Variants in MACROD2 observed in about 807,000 individuals in gnomAD.
The protein encoded by MACROD2 is mono-ADP ribosylhydrolase 2, also known as ADP-ribose glycohydrolase MACROD2.
Under a neutral mutation model 70.4 loss-of-function variants are expected in MACROD2, and 36 were observed. The observed-to-expected ratio is 0.51, with a 90% CI of 0.39 to 0.68. MACROD2 has a LOEUF of 0.68. Among genes scored for constraint, MACROD2 ranks in the 30% least tolerant of loss-of-function variants. MACROD2 has a pLI of 0.00. For synonymous variants in MACROD2, 172 were observed against 178.8 expected, an observed-to-expected ratio of 0.96 and a Z score of 0.30; for missense variants, 496 against 538.4, an observed-to-expected ratio of 0.92 and a Z score of 0.78.
intron 4 of MACROD2, among the ~76,000 whole-genome samples, chr20:14,513,410 T>A (rs2085052541): frequency 1.3e-5 from 2 of 152,114 alleles, no homozygotes; most frequent in South Asian, 4.1e-4. Flanking sequence ...AAGCACTGCT[T>A]GCATTTTTCT....
At chr20:15,749,747 A>G (rs2051239699) in intron 8 of MACROD2, among the ~76,000 whole-genome samples, 1 of 152,110 alleles carries the variant, frequency 6.6e-6, no homozygotes, top group Non-Finnish European at 1.5e-5. Context: ...TTACACATGT[A>G]GGGCTTTTTC....
At chr20:14,725,943 GC>G (rs375978068) in intron 5 of MACROD2, among the ~76,000 whole-genome samples, 227 of 152,272 alleles carry the variant, frequency 1.5e-3, no homozygotes, top group African/African-American at 5.1e-3. Context: ...TAGAACAGGT[GC>G]TGAGCAGATC....
chr20:14,723,011 C>T (rs1330415033), intron 5 of MACROD2, among the ~76,000 whole-genome samples: 1 of 152,170 alleles, frequency 6.6e-6, no homozygotes, highest in Non-Finnish European at 1.5e-5. Context: ...CTTGTCAGAC[C>T]ACCTTGCAGG....
chr20:14,119,159 A>ATTTT (rs1181793101), intron 3 of MACROD2, among the ~76,000 whole-genome samples: 55 of 56,752 alleles, frequency 9.7e-4, no homozygotes, highest in Non-Finnish European at 1.2e-3. Flanking sequence ...AATGACTGTG[A>ATTTT]TTTTTTTTTT....
chr20:15,942,627 C>G (rs1045197070), intron 12 of MACROD2, among the ~76,000 whole-genome samples: 1 of 152,136 alleles, frequency 6.6e-6, no homozygotes, highest in African/African-American at 2.4e-5. Flanking sequence ...CAAGCAATCA[C>G]ATTAAATGGG....
At chr20:15,599,717 T>G (rs16996093) in intron 8 of MACROD2, among the ~76,000 whole-genome samples, 25,825 of 152,198 alleles carry the variant, frequency 0.17, 2,247 homozygotes, top group South Asian at 0.21. Context: ...ATTTTAAATT[T>G]TTTGCTGTTG....
intron 5 of MACROD2, among the ~76,000 whole-genome samples, chr20:15,221,159 A>G (rs190808699): frequency 1.7e-3 from 264 of 152,240 alleles, no homozygotes; most frequent in South Asian, 0.017. Context: ...TTTTCTCCTC[A>G]CATCTTAATA....
intron 8 of MACROD2, among the ~76,000 whole-genome samples, chr20:15,610,953 A>G (rs1463712407): frequency 8.1e-6 from 1 of 124,128 alleles, no homozygotes; most frequent in South Asian, 2.4e-4. Flanking sequence ...GACTCACTTC[A>G]TCTTGTGCTT....
At chr20:15,281,995 G>A (rs2077449633) in intron 6 of MACROD2, among the ~76,000 whole-genome samples, 1 of 152,226 alleles carries the variant, frequency 6.6e-6, no homozygotes, top group Non-Finnish European at 1.5e-5. Context: ...TGTACCTGCA[G>A]GCCCAACACC....
At chr20:15,538,435 C>A (rs1354212854) in intron 8 of MACROD2, among the ~76,000 whole-genome samples, 1 of 152,174 alleles carries the variant, frequency 6.6e-6, no homozygotes, top group Non-Finnish European at 1.5e-5. Flanking sequence ...ATTCTATTAA[C>A]CCCTTTTTAG....
intron 5 of MACROD2, among the ~76,000 whole-genome samples, chr20:14,886,308 C>T (rs1439663140): frequency 6.6e-6 from 1 of 152,040 alleles, no homozygotes; most frequent in Non-Finnish European, 1.5e-5. Context: ...CGTGGAAGGG[C>T]CAGAGTGGCT....
At chr20:14,545,170 C>T (rs1459665483) in intron 4 of MACROD2, among the ~76,000 whole-genome samples, 1 of 152,180 alleles carries the variant, frequency 6.6e-6, no homozygotes, top group Non-Finnish European at 1.5e-5. Flanking sequence ...GTGGTCTCTG[C>T]CCACTCATAC....
At chr20:15,537,322 A>G (rs979994490) in intron 8 of MACROD2, among the ~76,000 whole-genome samples, 1 of 152,004 alleles carries the variant, frequency 6.6e-6, no homozygotes, top group African/African-American at 2.4e-5. Flanking sequence ...CTTTTTCTTT[A>G]TAAATTACCC....
intron 15 of MACROD2, among the ~76,000 whole-genome samples, chr20:16,009,123 A>G (rs1235938848): frequency 1.3e-5 from 2 of 152,242 alleles, no homozygotes; most frequent in Admixed American, 6.5e-5. Flanking sequence ...TGACAGGGCC[A>G]TGCAAACAAC....
intron 4 of MACROD2, among the ~76,000 whole-genome samples, chr20:14,495,624 T>C (rs1401947979): frequency 6.6e-6 from 1 of 152,204 alleles, no homozygotes; most frequent in African/African-American, 2.4e-5. Flanking sequence ...AACTGATTTC[T>C]TTAAATATAT....
intron 5 of MACROD2, among the ~76,000 whole-genome samples, chr20:14,951,390 A>G (rs571787481): frequency 5.3e-5 from 8 of 152,268 alleles, no homozygotes; most frequent in African/African-American, 1.9e-4. Flanking sequence ...ACTAGATCCC[A>G]TCTCAAGCAC....
intron 5 of MACROD2, among the ~76,000 whole-genome samples, chr20:14,899,835 A>G (rs1346195488): frequency 1.3e-5 from 2 of 152,214 alleles, no homozygotes; most frequent in African/African-American, 4.8e-5. Flanking sequence ...AAACTTTAAG[A>G]GTAAGGAATA....
intron 8 of MACROD2, among the ~76,000 whole-genome samples, chr20:15,525,109 A>G (rs1209783026): frequency 6.6e-6 from 1 of 152,172 alleles, no homozygotes; most frequent in African/African-American, 2.4e-5. Context: ...GCATTCGGCC[A>G]TTTCCAGGTG....
chr20:15,291,986 C>CT (rs2077544718), intron 6 of MACROD2, among the ~76,000 whole-genome samples: 1 of 152,092 alleles, frequency 6.6e-6, no homozygotes, highest in African/African-American at 2.4e-5. Context: ...AGTACCAGGT[C>CT]TCTTAAGTCT....
Sources: allele counts gnomAD v4.1 joint callset (sites outside exome capture counted in the v4.1 genomes callset), GRCh38; gene constraint gnomAD v4.1.1; transcripts MANE v1.5; gene names NCBI Gene and HGNC (gene_info 2026-07-23, HGNC 2026-07-21).